SLC36A1: variants seen among roughly 807,000 people sequenced by gnomAD.
SLC36A1 encodes the protein proton-coupled amino acid transporter 1.
Under a neutral mutation model 47.5 loss-of-function variants are expected in SLC36A1, and 30 were observed. The ratio of observed to expected loss-of-function variants is 0.63; its 90% CI spans 0.47 to 0.86. The LOEUF (loss-of-function observed/expected upper bound fraction) is 0.86. SLC36A1 is among the 40% of genes least tolerant of loss of function. The pLI, the probability that SLC36A1 is intolerant of heterozygous loss-of-function variation, is 0.00. For missense variants in SLC36A1, 517 were observed against 606.0 expected, an observed-to-expected ratio of 0.85 and a Z score of 1.54; for synonymous variants, 255 against 249.7, an observed-to-expected ratio of 1.02 and a Z score of -0.20.
intron 2 of SLC36A1, among the ~76,000 whole-genome samples, chr5:151,461,700 C>T (rs1219701982): frequency 6.6e-6 from 1 of 152,172 alleles, no homozygotes; most frequent in Non-Finnish European, 1.5e-5. Flanking sequence ...GGCAGTGGCA[C>T]CAAATTATAC....
At chr5:151,451,702 T>A (rs756042381) in intron 1 of SLC36A1, among the ~76,000 whole-genome samples, 10 of 152,186 alleles carry the variant, frequency 6.6e-5, no homozygotes, top group Non-Finnish European at 1.2e-4. Context: ...ATTAATGACA[T>A]CTTTCAGATG....
the SLC36A1 span, among the ~76,000 whole-genome samples, chr5:151,501,508 C>T: frequency 1.4e-5 from 2 of 147,686 alleles, no homozygotes; most frequent in East Asian, 3.9e-4. Context: ...TTTTGAACTC[C>T]TGACCTCAGG....
chr5:151,379,102 G>A, the SLC36A1 span, among the ~76,000 whole-genome samples: 1 of 152,230 alleles, frequency 6.6e-6, no homozygotes, highest in Non-Finnish European at 1.5e-5. Flanking sequence ...AGAATGGGGA[G>A]AGAAGCCCAG....
chr5:151,379,088 G>A, the SLC36A1 span, among the ~76,000 whole-genome samples: 2 of 152,354 alleles, frequency 1.3e-5, no homozygotes, highest in Admixed American at 6.5e-5. Flanking sequence ...GGTCAGGAAA[G>A]CTGAGAATGG....
chr5:151,487,899 A>G (rs1759774784), intron 10 of SLC36A1, 84 bp from the exon 11 acceptor site: 9 of 1,483,142 alleles, frequency 6.1e-6, no homozygotes, highest in South Asian at 1.2e-5. Context: ...TAAGATGGAC[A>G]GATGCTGAAT....
the SLC36A1 span, among the ~76,000 whole-genome samples, chr5:151,353,482 AGCCCCAC>A: frequency 6.6e-6 from 1 of 152,182 alleles, no homozygotes; most frequent in Non-Finnish European, 1.5e-5. Context: ...ATATACCCCC[AGCCCCAC>A]GCATTCACAG....
chr5:151,545,139 A>G, the SLC36A1 span: 4 of 1,614,218 alleles, frequency 2.5e-6, no homozygotes, highest in South Asian at 1.1e-5. Context: ...TGTCATTCAA[A>G]TGATTGCCCT....
the SLC36A1 span, chr5:151,507,327 T>C: frequency 3.7e-6 from 6 of 1,614,072 alleles, no homozygotes; most frequent in African/African-American, 6.7e-5. Context: ...TTCCGGTTGG[T>C]TGAGGTTGTT....
chr5:151,452,667 G>C (rs1487626681), intron 1 of SLC36A1, among the ~76,000 whole-genome samples: 1 of 152,068 alleles, frequency 6.6e-6, no homozygotes, highest in Non-Finnish European at 1.5e-5. Context: ...TCAAGAGTTT[G>C]AGACCAGCCT....
At chr5:151,492,988 C>T (rs1760230258), downstream of SLC36A1, among the ~76,000 whole-genome samples, 1 of 152,142 alleles carries the variant, frequency 6.6e-6, no homozygotes, top group East Asian at 1.9e-4. Flanking sequence ...CTCTCAGTCT[C>T]TCTATGTGTA....
chr5:151,408,663 C>T, the SLC36A1 span, among the ~76,000 whole-genome samples: 6 of 152,152 alleles, frequency 3.9e-5, no homozygotes, highest in African/African-American at 1.4e-4. Flanking sequence ...TGGAAATGCA[C>T]CTTGAAAAAC....
At chr5:151,506,113 A>AAGAT in the SLC36A1 span, 14,230 of 1,500,754 alleles carry the variant, frequency 9.5e-3, 1,158 homozygotes, top group African/African-American at 0.18. Flanking sequence ...AGGGAACAGC[A>AAGAT]AGATAGGGTG....
At chr5:151,492,588 C>T (rs764251265), downstream of SLC36A1, among the ~76,000 whole-genome samples, 19 of 152,034 alleles carry the variant, frequency 1.2e-4, no homozygotes, top group Non-Finnish European at 2.1e-4. Context: ...ACAATCCTCC[C>T]CTCCCTAAAC....
the SLC36A1 span, among the ~76,000 whole-genome samples, chr5:151,501,997 T>G: frequency 5.4e-5 from 8 of 148,346 alleles, no homozygotes; most frequent in Non-Finnish European, 1.2e-4. Flanking sequence ...ATAAAAGAAA[T>G]AAGCCAGACT....
At chr5:151,385,957 C>A in the SLC36A1 span, among the ~76,000 whole-genome samples, 2 of 151,492 alleles carry the variant, frequency 1.3e-5, no homozygotes, top group Non-Finnish European at 2.9e-5. Context: ...CTGCAACCTC[C>A]GCCTCCCAGG....
At chr5:151,345,839 T>C in the SLC36A1 span, among the ~76,000 whole-genome samples, 2 of 152,232 alleles carry the variant, frequency 1.3e-5, no homozygotes, top group African/African-American at 4.8e-5. Context: ...TTGGTCACCT[T>C]GGACTGTCAT....
intron 7 of SLC36A1, among the ~76,000 whole-genome samples, chr5:151,472,176 A>G (rs1757399386): frequency 6.6e-6 from 1 of 152,264 alleles, no homozygotes; most frequent in African/African-American, 2.4e-5. Flanking sequence ...GGCCGTCTGC[A>G]GGCTGAGGAG....
chr5:151,522,115 C>T, the SLC36A1 span: 6 of 1,519,952 alleles, frequency 3.9e-6, no homozygotes, highest in Admixed American at 9.3e-5. Flanking sequence ...CTGCTGTCAC[C>T]CAACAGAACT....
At chr5:151,480,779 G>A (rs975933897) in intron 10 of SLC36A1, among the ~76,000 whole-genome samples, 1 of 152,190 alleles carries the variant, frequency 6.6e-6, no homozygotes, top group Admixed American at 6.5e-5. Context: ...TGAGGAGACA[G>A]CTTTCACGTG....
Sources: gnomAD v4.1 joint callset for allele counts (sites outside exome capture counted in the v4.1 genomes callset) on GRCh38, gnomAD v4.1.1 for gene constraint, MANE v1.5 for transcripts, NCBI Gene and HGNC (gene_info 2026-07-23, HGNC 2026-07-21) for gene names.